Variants in SNX25 observed in about 807,000 individuals in gnomAD.
The protein encoded by SNX25 is sorting nexin-25.
A neutral mutation model predicts 113.7 loss-of-function variants in SNX25; 62 were observed. The ratio of observed to expected loss-of-function variants is 0.55; its 90% CI spans 0.44 to 0.67. SNX25 has a LOEUF of 0.67. SNX25 is among the 30% of genes least tolerant of loss of function. The pLI is 0.00. For synonymous variants in SNX25, 421 were observed against 436.2 expected, an observed-to-expected ratio of 0.97 and a Z score of 0.43; for missense variants, 1,014 against 1,161.0, an observed-to-expected ratio of 0.87 and a Z score of 1.84.
chr4:185,242,512 C>A (rs1188034860), intron 1 of SNX25, among the ~76,000 whole-genome samples: 1 of 152,228 alleles, frequency 6.6e-6, no homozygotes, highest in Non-Finnish European at 1.5e-5. Context: ...GAAACGCTTA[C>A]TTACATTTAC....
chr4:185,291,122 A>T (rs1026360544), intron 6 of SNX25, among the ~76,000 whole-genome samples: 2 of 152,158 alleles, frequency 1.3e-5, no homozygotes, highest in Non-Finnish European at 2.9e-5. Flanking sequence ...TACGTTCTAA[A>T]TGCCTTTCTG....
At chr4:185,375,767 T>C in the SNX25 span, 1 of 1,375,496 alleles carries the variant, frequency 7.3e-7, no homozygotes, top group Non-Finnish European at 1.0e-6. Context: ...TTTATTATGA[T>C]CTTAAAGTAA....
chr4:185,312,727 G>A (rs2095041285), intron 7 of SNX25, among the ~76,000 whole-genome samples: 1 of 152,068 alleles, frequency 6.6e-6, no homozygotes, highest in Non-Finnish European at 1.5e-5. Flanking sequence ...CGGTTTCACT[G>A]TGTTAGGCAG....
intron 1 of SNX25, among the ~76,000 whole-genome samples, chr4:185,238,878 C>T (rs1020357530): frequency 2.6e-5 from 4 of 152,154 alleles, no homozygotes; most frequent in Admixed American, 1.3e-4. Flanking sequence ...TACAGGTTGG[C>T]TGCCCTGGCT....
At chr4:185,332,072 A>G (rs1459241884) in intron 9 of SNX25, among the ~76,000 whole-genome samples, 2 of 152,234 alleles carry the variant, frequency 1.3e-5, no homozygotes, top group East Asian at 1.9e-4. Context: ...TTCAAATGCT[A>G]TTTTACTTGT....
intron 1 of SNX25, among the ~76,000 whole-genome samples, chr4:185,219,050 T>C (rs1345178588): frequency 6.6e-6 from 1 of 152,144 alleles, no homozygotes. Context: ...TTCCTGGTGC[T>C]TGCAAAGCAC....
intron 1 of SNX25, among the ~76,000 whole-genome samples, chr4:185,229,514 G>A (rs1741507651): frequency 6.6e-6 from 1 of 152,214 alleles, no homozygotes. Context: ...GTTAAAGGAA[G>A]ATTGCATTAT....
chr4:185,302,017 AG>A (rs1560987264), intron 6 of SNX25, among the ~76,000 whole-genome samples: 1 of 151,616 alleles, frequency 6.6e-6, no homozygotes, highest in African/African-American at 2.4e-5. Context: ...CTCCTGCCTC[AG>A]CCTCCTGAGT....
chr4:185,249,103 A>G (rs867073122), intron 2 of SNX25, among the ~76,000 whole-genome samples: 7 of 152,212 alleles, frequency 4.6e-5, no homozygotes, highest in African/African-American at 1.7e-4. Context: ...AAGTTAGTCA[A>G]TACAGTTGCT....
chr4:185,258,648 G>T (rs1232770145), intron 2 of SNX25, among the ~76,000 whole-genome samples, 200 bp from the exon 3 acceptor site: 4 of 152,102 alleles, frequency 2.6e-5, no homozygotes, highest in Non-Finnish European at 4.4e-5. Flanking sequence ...TTAGGACATG[G>T]TCACCATACC....
Position 185,361,979 on chromosome 4 carries a change from A to C in SNX25, c.2707A>C (p.Ile903Leu). Residue 903 changes from isoleucine (I) to leucine (L), a missense_variant, in exon 17 of 19, where the codon ATC becomes CTC. Physicochemically the swap from Ile to Leu is conservative, Grantham distance 5. Coordinates refer to ENST00000652585, the MANE Select transcript of SNX25 (RefSeq NM_001378034.2). The part of the protein sequence containing the change: ...IFSEQMLVYY[I>L]NIFRDAFWPN... ...CAGTGAGCAAATGTTGGTTTACTACATCAATATTTTCCGGGATGCTTTTTG... is the reference window on the plus strand; with the variant it reads ...CAGTGAGCAAATGTTGGTTTACTACCTCAATATTTTCCGGGATGCTTTTTG... 1 of 1,614,156 alleles carries C rather than the reference A, an allele frequency of 6.2e-7. No homozygotes were observed. The highest frequency in any genetic ancestry group is 8.5e-7 in the Non-Finnish European group (1 of 1,180,020).
At position 185,247,396 on chromosome 4, in the gene SNX25, GTATA is replaced by G. The variant is rs1745012477; in HGVS notation, c.514+21_514+24del. 6.9e-7 allele frequency: 1 copy of G among 1,448,046 alleles called. No homozygotes were observed. Among genetic ancestry groups the G allele is most frequent in the African/African-American group, 1.4e-5 (1 of 71,062 alleles). 89.7% of individuals were successfully genotyped at this position (1,448,046 alleles called of 1,614,324 possible). ...GAAAGAAGGTAAGGATTAAATGAGAGTATATAATTACCATGTAAAGCAATTCATT... is the reference window on the plus strand; with the variant it reads ...GAAAGAAGGTAAGGATTAAATGAGAGTAATTACCATGTAAAGCAATTCATT... On this transcript the variant is annotated intron_variant, in intron 2 of 18. Coordinates refer to ENST00000652585, the MANE Select transcript of SNX25 (RefSeq NM_001378034.2).
At chr4:185,348,720 A>G (rs2126737020) in intron 13 of SNX25, among the ~76,000 whole-genome samples, 1 of 152,250 alleles carries the variant, frequency 6.6e-6, no homozygotes, top group Non-Finnish European at 1.5e-5. Flanking sequence ...CTTCGTGGTG[A>G]GAACATTAAA....
At chr4:185,327,726 G>A (rs943002486) in intron 9 of SNX25, among the ~76,000 whole-genome samples, 1 of 152,078 alleles carries the variant, frequency 6.6e-6, no homozygotes, top group Non-Finnish European at 1.5e-5. Context: ...ACTGCCTAAG[G>A]CCACCAGATT....
At chr4:185,295,874 T>C (rs1261154467) in intron 6 of SNX25, 1 of 152,202 alleles carries the variant, frequency 6.6e-6, no homozygotes, top group Non-Finnish European at 1.5e-5. Flanking sequence ...GATTGTTAAC[T>C]CTCTGAAACC....
At chr4:185,369,926 A>T (rs2095409423) in exon 12 of SNX25, 1 of 292,080 alleles carries the variant, frequency 3.4e-6, no homozygotes, top group Non-Finnish European at 6.7e-6. Flanking sequence ...TCCCCCACTC[A>T]GGCTGAACAA....
intron 5 of SNX25, among the ~76,000 whole-genome samples, chr4:185,284,592 G>A (rs774629858): frequency 2.6e-5 from 4 of 152,286 alleles, no homozygotes; most frequent in East Asian, 3.9e-4. Flanking sequence ...GAAAAAAAAC[G>A]AAGTTGTTGG....
upstream of SNX25, among the ~76,000 whole-genome samples, chr4:185,204,768 C>G (rs1396614462): frequency 6.6e-6 from 1 of 152,186 alleles, no homozygotes; most frequent in Non-Finnish European, 1.5e-5. Flanking sequence ...AGCACAGAAG[C>G]TAGAGGTTGG....
At chr4:185,247,444 A>G in intron 2 of SNX25, 66 bp downstream of exon 2, 3 of 1,180,524 alleles carry the variant, frequency 2.5e-6, no homozygotes, top group Non-Finnish European at 2.5e-6. Context: ...AGAGGAAAAT[A>G]ATAATCTCCA....
Sources: gnomAD v4.1 joint callset for allele counts (sites outside exome capture counted in the v4.1 genomes callset) on GRCh38, gnomAD v4.1.1 for gene constraint, MANE v1.5 for transcripts, NCBI Gene and HGNC (gene_info 2026-07-23, HGNC 2026-07-21) for gene names.